SPATA21: variants seen among roughly 807,000 people sequenced by gnomAD.
SPATA21 encodes spermatogenesis-associated protein 21.
Under a neutral mutation model 54.8 loss-of-function variants are expected in SPATA21, and 47 were observed. That is an observed-to-expected ratio of 0.86 (90% CI 0.68 to 1.09). The LOEUF (loss-of-function observed/expected upper bound fraction) is 1.09, where lower values mean the gene tolerates loss of function less well. SPATA21 is among the 50% of genes least tolerant of loss of function. SPATA21 has a pLI of 0.00. For synonymous variants in SPATA21, 245 were observed against 235.3 expected, an observed-to-expected ratio of 1.04 and a Z score of -0.38; for missense variants, 599 against 596.4, an observed-to-expected ratio of 1.00 and a Z score of -0.05.
chr1:16,430,984 T>C (rs1366592677), intron 3 of SPATA21, among the ~76,000 whole-genome samples: 3 of 152,200 alleles, frequency 2.0e-5, no homozygotes, highest in African/African-American at 7.2e-5. Context: ...TGCCTGAGAA[T>C]GAATCCAACA....
chr1:16,431,785 T>G (rs1004376117), intron 2 of SPATA21, among the ~76,000 whole-genome samples: 1 of 152,226 alleles, frequency 6.6e-6, no homozygotes, highest in Non-Finnish European at 1.5e-5. Flanking sequence ...TACTGGTCCC[T>G]TCAGATGCTC....
At chr1:16,416,448 C>T (rs540760222) in intron 5 of SPATA21, among the ~76,000 whole-genome samples, 92 of 151,970 alleles carry the variant, frequency 6.1e-4, no homozygotes, top group African/African-American at 2.1e-3. Flanking sequence ...GAAGCTGAGG[C>T]GGGTGGATCA....
At chr1:16,417,439 T>C (rs914815592) in intron 5 of SPATA21, among the ~76,000 whole-genome samples, 7 of 112,984 alleles carry the variant, frequency 6.2e-5, no homozygotes, top group Non-Finnish European at 6.7e-5. Context: ...TTTTGTGGGC[T>C]TTTTTTTTTT....
downstream of SPATA21, chr1:16,395,705 A>G (rs181755487): frequency 1.8e-3 from 276 of 156,846 alleles, no homozygotes; most frequent in Non-Finnish European, 3.0e-3. Flanking sequence ...TTTTTAATTA[A>G]GAAAGGGTAG....
rs536841694 is a variant in SPATA21 at position 16,399,351 on chromosome 1, C to G, written c.1345G>C (p.Gly449Arg). Residue 449 changes from glycine to arginine, a missense_variant, in exon 12 of 13, where the codon GGA becomes CGA. Transcript: ENST00000335496. Reference protein sequence around the residue: ...RSPFFQSGSQGNREHNSDSRK... With the variant: ...RSPFFQSGSQRNREHNSDSRK... ...CTTTCTCTGGGCACCCACCTGTTTC[C>G]TTGAGATCCTGACTGGAAGAAGGGG... 9.3e-6 allele frequency: 15 copies of G among 1,611,722 alleles called. No individual in the cohort carries two copies. In the South Asian group the frequency reaches 1.4e-4, roughly 15 times the overall value.
In SPATA21 at chr1:16,400,799, G is replaced by A. The variant is rs142728074; in HGVS notation, c.1095C>T (p.Asn365=). The change falls in exon 11 of 13, where the codon AAC becomes AAT. Residue 365 remains asparagine, a synonymous_variant. Coordinates refer to ENST00000335496, the MANE Select transcript of SPATA21 (RefSeq NM_198546.1). ...CTTCTGAGCTCTCTTCTTGCTGGGGGTTGTAGGGAAGCTTCTGCAACCGCA... is the reference window on the plus strand; with the variant it reads ...CTTCTGAGCTCTCTTCTTGCTGGGGATTGTAGGGAAGCTTCTGCAACCGCA... ...GRLRLQKLPY[N]PQQEESSEVP... The A allele has an allele frequency of 3.8e-4, 612 of 1,611,746 alleles. 4 individuals are homozygous for A. In the African/African-American group the frequency reaches 7.4e-3, roughly 20 times the overall value.
intron 5 of SPATA21, among the ~76,000 whole-genome samples, 162 bp from the exon 6 acceptor site, chr1:16,410,205 C>A (rs1427382106): frequency 6.6e-6 from 1 of 152,156 alleles, no homozygotes; most frequent in East Asian, 1.9e-4. Flanking sequence ...TGTGCTCCTG[C>A]CCCACGTCCT....
At chr1:16,435,706 C>T (rs2086570549) in intron 1 of SPATA21, among the ~76,000 whole-genome samples, 1 of 151,592 alleles carries the variant, frequency 6.6e-6, no homozygotes, top group Non-Finnish European at 1.5e-5. Flanking sequence ...GCCTTGACCT[C>T]TTGGGCTCAG....
At chr1:16,395,724 T>C (rs1237482940), downstream of SPATA21, 1 of 156,442 alleles carries the variant, frequency 6.4e-6, no homozygotes, top group East Asian at 1.9e-4. Flanking sequence ...AGTTTGGTAG[T>C]CTACTTAAAA....
At position 16,436,886 on chromosome 1, in the gene SPATA21, A is replaced by AAATG. The variant is rs561830215; in HGVS notation, c.-187+241_-187+242insCATT. 5.1e-3 allele frequency among the ~76,000 whole-genome samples: 769 copies of AAATG among 152,170 alleles called. 4 individuals carry two copies. The highest frequency in any genetic ancestry group is 8.0e-3 in the Non-Finnish European group (542 of 67,960). On this transcript the variant is annotated intron_variant, in intron 1 of 12. Coordinates refer to ENST00000335496, the MANE Select transcript of SPATA21 (RefSeq NM_198546.1). The stretch of plus-strand genomic sequence containing the variant: ...AAAACAAATAAATAAATAAATAAAT[A>AAATG]AAAAGTTTTGAAATCAGGAAGTGTG...
intron 5 of SPATA21, among the ~76,000 whole-genome samples, chr1:16,413,874 A>C (rs2085924475): frequency 6.6e-6 from 1 of 152,022 alleles, no homozygotes; most frequent in African/African-American, 2.4e-5. Context: ...CGGCCTCCCA[A>C]AGTGCTGGGA....
chr1:16,426,574 TATATA>T (rs1402300899), intron 3 of SPATA21, among the ~76,000 whole-genome samples: 3 of 117,934 alleles, frequency 2.5e-5, no homozygotes, highest in African/African-American at 1.0e-4. Context: ...TATATATATA[TATATA>T]TTTTTTTTTT....
At chr1:16,403,870 G>T in intron 9 of SPATA21, 26 bp from the exon 10 acceptor site, 1 of 1,609,040 alleles carries the variant, frequency 6.2e-7, no homozygotes, top group Non-Finnish European at 8.5e-7. Flanking sequence ...AGTGGCTGCC[G>T]TTACCACTGG....
At chr1:16,414,214 C>A (rs114801056) in intron 5 of SPATA21, among the ~76,000 whole-genome samples, 2 of 151,860 alleles carry the variant, frequency 1.3e-5, no homozygotes, top group South Asian at 2.1e-4. Context: ...CACAGATGTG[C>A]GCCACCACAG....
chr1:16,404,175 G>T, intron 8 of SPATA21, 136 bp from the exon 9 acceptor site: 1 of 734,648 alleles, frequency 1.4e-6, no homozygotes, highest in Non-Finnish European at 2.3e-6. Flanking sequence ...AAAACATGGG[G>T]CACACAGGAA....
At position 16,426,502 on chromosome 1, in the gene SPATA21, G is replaced by A. The variant is rs1421394425; in HGVS notation, c.35-4531C>T. Among the ~76,000 whole-genome samples the A allele has an allele frequency of 5.5e-5, 8 of 145,958 alleles. No homozygotes were observed. The South Asian group carries it at 1.3e-3, about 24-fold the overall frequency. ...TTGAACTCCTGGGCTTAAGTGATCC[G>A]CCAACCTCAACTTCCCAAAGTGTTG... is the stretch of plus-strand genomic sequence containing the variant. On this transcript the variant is annotated intron_variant, in intron 3 of 12. Transcript: ENST00000335496.
At chr1:16,400,217 A>G (rs2085402374) in intron 11 of SPATA21, among the ~76,000 whole-genome samples, 1 of 152,018 alleles carries the variant, frequency 6.6e-6, no homozygotes. Flanking sequence ...GGGTTTCACC[A>G]TGTTGGCCAG....
chr1:16,397,021 C>G (rs2085323591), downstream of SPATA21: 1 of 152,298 alleles, frequency 6.6e-6, no homozygotes, highest in Non-Finnish European at 1.5e-5. The surrounding 1 kb of genome is among the most constrained non-coding windows in gnomAD (Gnocchi z 5.4). Context: ...TAGTGTCCAT[C>G]CCTTATGTAA....
intron 3 of SPATA21, chr1:16,427,735 G>A (rs2086358194): frequency 1.0e-6 from 1 of 988,352 alleles, no homozygotes; most frequent in Non-Finnish European, 1.4e-6. Flanking sequence ...CAATGAAAGA[G>A]AAGGACAAGG....
Sources: allele counts gnomAD v4.1 joint callset (sites outside exome capture counted in the v4.1 genomes callset), GRCh38; gene constraint gnomAD v4.1.1; non-coding constraint Gnocchi (gnomAD v3.1); transcripts MANE v1.5; gene names NCBI Gene and HGNC (gene_info 2026-07-23, HGNC 2026-07-21).